TF: variants seen among roughly 807,000 people sequenced by gnomAD.
The protein encoded by TF is serotransferrin.
Under a neutral mutation model 82.4 loss-of-function variants are expected in TF, and 55 were observed. That is an observed-to-expected ratio of 0.67 (90% confidence interval 0.54 to 0.84). The LOEUF (loss-of-function observed/expected upper bound fraction) is 0.84, where lower values mean the gene tolerates loss of function less well. Ranked by LOEUF, TF falls within the 40% of genes least tolerant of loss-of-function variation. The probability of loss-of-function intolerance (pLI) is 0.00; values close to 1 mark genes in which losing one functional copy is unlikely to be tolerated. For missense variants in TF, 737 were observed against 868.4 expected, an observed-to-expected ratio of 0.85 and a Z score of 1.90; for synonymous variants, 332 against 332.6, an observed-to-expected ratio of 1.00 and a Z score of 0.02.
chr3:133,704,580 G>A, the TF span, among the ~76,000 whole-genome samples: 5 of 152,156 alleles, frequency 3.3e-5, no homozygotes, highest in Non-Finnish European at 5.9e-5. Context: ...GAGCTGGCAC[G>A]GGGCTGCAAG....
the TF span, among the ~76,000 whole-genome samples, chr3:133,733,394 C>T: frequency 2.6e-5 from 4 of 152,256 alleles, no homozygotes; most frequent in Middle Eastern, 3.4e-3. Context: ...CCAAGCCTGC[C>T]GAGGTGTCCT....
chr3:133,698,251 CTGT>C, the TF span, among the ~76,000 whole-genome samples: 1 of 152,234 alleles, frequency 6.6e-6, no homozygotes, highest in Non-Finnish European at 1.5e-5. Context: ...TTGCTTCATT[CTGT>C]TGTTGCTTTA....
chr3:133,662,742 TA>T, the TF span, among the ~76,000 whole-genome samples: 3 of 152,198 alleles, frequency 2.0e-5, no homozygotes, highest in East Asian at 5.8e-4. Flanking sequence ...TATTCTTTTT[TA>T]AAAAAATTTT....
the TF span, among the ~76,000 whole-genome samples, chr3:133,663,220 T>C: frequency 6.6e-6 from 1 of 152,164 alleles, no homozygotes; most frequent in East Asian, 1.9e-4. Flanking sequence ...AAATTCCCAC[T>C]TGCCCATGGT....
the TF span, among the ~76,000 whole-genome samples, chr3:133,710,408 A>G: frequency 6.6e-6 from 1 of 152,038 alleles, no homozygotes; most frequent in Admixed American, 6.5e-5. Flanking sequence ...TGTGCCCCCA[A>G]CATTTACAAG....
At chr3:133,700,700 G>A in the TF span, among the ~76,000 whole-genome samples, 3 of 152,366 alleles carry the variant, frequency 2.0e-5, no homozygotes, top group East Asian at 5.8e-4. Context: ...AGGCAGACAA[G>A]CTGGGATCTG....
chr3:133,719,158 C>G, the TF span, among the ~76,000 whole-genome samples: 39 of 152,290 alleles, frequency 2.6e-4, no homozygotes, highest in African/African-American at 9.4e-4. Flanking sequence ...ACATTCACTT[C>G]ATTAATCCTG....
At chr3:133,763,386 G>A (rs8177271) in intron 9 of TF, among the ~76,000 whole-genome samples, 44,700 of 151,996 alleles carry the variant, frequency 0.29, 7,273 homozygotes, top group South Asian at 0.42. Flanking sequence ...CCATACTTAC[G>A]TTTTAAAGAA....
At chr3:133,757,724 C>A in intron 7 of TF, 45 bp from the exon 8 acceptor site, 1 of 1,568,620 alleles carries the variant, frequency 6.4e-7, no homozygotes, top group Non-Finnish European at 8.8e-7. Context: ...TCTCAGCCTC[C>A]TTTCTTCTGT....
At chr3:133,766,565 G>A (rs1359521128) in intron 12 of TF, 132 bp downstream of exon 12, 3 of 1,288,242 alleles carry the variant, frequency 2.3e-6, no homozygotes, top group Non-Finnish European at 3.3e-6. Flanking sequence ...TCAAAGAACA[G>A]TAGAATTTGC....
At chr3:133,712,352 G>C in the TF span, among the ~76,000 whole-genome samples, 1 of 152,112 alleles carries the variant, frequency 6.6e-6, no homozygotes, top group African/African-American at 2.4e-5. Flanking sequence ...CGGGTTCTGC[G>C]AGCCAGGACT....
chr3:133,757,654 G>A, intron 7 of TF, 115 bp from the exon 8 acceptor site: 2 of 1,025,426 alleles, frequency 2.0e-6, no homozygotes, highest in Non-Finnish European at 1.5e-6. Flanking sequence ...CCTCTCTCCT[G>A]GCATCTTGAA....
upstream of TF, among the ~76,000 whole-genome samples, chr3:133,745,757 A>G (rs1018643753): frequency 5.3e-5 from 8 of 152,214 alleles, no homozygotes; most frequent in Non-Finnish European, 1.0e-4. Context: ...AAGGTGTCCC[A>G]CAGGAAGCTT....
chr3:133,748,142 A>T (rs1933556076), intron 1 of TF: 5 of 519,442 alleles, frequency 9.6e-6, no homozygotes, highest in South Asian at 8.1e-5. Context: ...AGAGGAGCAG[A>T]TTGTCATCTC....
rs1934494842 is a variant in TF, at chr3:133,780,558, G to A, written c.*1938G>A. The A allele has an allele frequency of 6.6e-6, 1 of 152,126 alleles. No homozygotes were observed. Among genetic ancestry groups the A allele is most frequent in the South Asian group, 2.1e-4 (1 of 4,830 alleles). 9.4% of individuals were successfully genotyped at this position (152,126 alleles called of 1,614,324 possible). A position where few individuals can be genotyped will look rare whatever the true frequency, so the allele number is the denominator to read the frequency against. On this transcript the variant is annotated 3_prime_UTR_variant, in exon 17 of 17. Transcript: ENST00000402696. ...GCATTCCTACTAAAGTTAGGAACAT[G>A]AAAAAAATTGATTACTATCTATCTT... is the stretch of plus-strand genomic sequence containing the variant.
rs762332183 is a variant in TF at position 133,754,563 on chromosome 3, C to G, written c.394C>G (p.Arg132Gly). The change falls in exon 4 of 17, where the codon CGA (arginine) becomes GGA (glycine). Residue 132 changes from arginine (R) to glycine (G), a missense_variant. Coordinates refer to ENST00000402696, the MANE Select transcript of TF (RefSeq NM_001063.4). ...TAGTGGCTTCCAGATGAACCAGCTT[C>G]GAGGCAAGAAGTCCTGCCACACGGG... ...KDSGFQMNQL[R>G]GKKSCHTGLG... 6.2e-7 allele frequency: 1 copy of G among 1,614,172 alleles called. No homozygotes were observed. Among genetic ancestry groups the G allele is most frequent in the Admixed American group, 1.7e-5 (1 of 60,016 alleles).
rs967310307 is a variant in TF, at chr3:133,779,940, A to G, written c.*1320A>G. The G allele has an allele frequency of 6.6e-6, 1 of 152,212 alleles. No homozygotes were observed. The highest frequency in any genetic ancestry group is 1.5e-5 in the Non-Finnish European group (1 of 68,036). 9.4% of individuals were successfully genotyped at this position (152,212 alleles called of 1,614,324 possible). The stretch of plus-strand genomic sequence containing the variant: ...GCCATAAATAGAGGGGTGAAATTTC[A>G]GTTCGCCATTTTCCCTCACACTACA... On this transcript the variant is annotated 3_prime_UTR_variant, in exon 17 of 17. Coordinates refer to ENST00000402696, the MANE Select transcript of TF (RefSeq NM_001063.4).
chr3:133,690,161 C>A, the TF span, among the ~76,000 whole-genome samples: 2 of 151,350 alleles, frequency 1.3e-5, no homozygotes, highest in African/African-American at 4.9e-5. Context: ...AAATTTTAAA[C>A]CATGACAAAG....
chr3:133,686,129 AAAACTGGGTAGCCATATGTAGAAAGCTG>A, the TF span, among the ~76,000 whole-genome samples: 3 of 152,376 alleles, frequency 2.0e-5, no homozygotes, highest in African/African-American at 7.2e-5. Context: ...TGGTGCTGCG[AAAACTGGGTAGCCATATGTAGAAAGCTG>A]AAACTGGATC....
Sources: gnomAD v4.1 joint callset for allele counts (sites outside exome capture counted in the v4.1 genomes callset) on GRCh38, gnomAD v4.1.1 for gene constraint, MANE v1.5 for transcripts, NCBI Gene and HGNC (gene_info 2026-07-23, HGNC 2026-07-21) for gene names.